The following AFG3L2 variants were observed in gnomAD, a reference collection of about 807,000 sequenced individuals.
AFG3L2 encodes AFG3 like matrix AAA peptidase subunit 2.
A neutral mutation model predicts 94.5 loss-of-function variants in AFG3L2; 54 were observed. The ratio of observed to expected loss-of-function variants is 0.57; its 90% confidence interval spans 0.46 to 0.72. The LOEUF (loss-of-function observed/expected upper bound fraction) is 0.72, where lower values mean the gene tolerates loss of function less well. AFG3L2 is among the 30% of genes least tolerant of loss of function. The probability of loss-of-function intolerance (pLI) is 0.00; values close to 1 mark genes in which losing one functional copy is unlikely to be tolerated. For synonymous variants in AFG3L2, 377 were observed against 365.5 expected (o/e 1.03, Z -0.36); for missense variants, 754 against 994.9 (o/e 0.76, Z 3.26).
chr18:12,358,769 A>G lies in AFG3L2; in HGVS notation c.927T>C (p.Asp309=). The change falls in exon 8 of 17, where the codon GAT becomes GAC. Residue 309 remains aspartate, a synonymous_variant. Coordinates refer to ENST00000269143, the MANE Select transcript of AFG3L2 (RefSeq NM_006796.3). ...GCTTGGCCTCCTCACAGCCAGCCAC[A>G]TCTTTGAACTTCACATCAATTTCAT... ...LKDEIDVKFK[D]VAGCEEAKLE... is the part of the protein sequence containing the mutation. The G allele has an allele frequency of 6.2e-7, 1 of 1,614,256 alleles. No individual in the cohort carries two copies. Among genetic ancestry groups the G allele is most frequent in the Non-Finnish European group, 8.5e-7 (1 of 1,180,048 alleles).
In AFG3L2 at chr18:12,332,982, A is replaced by T. The variant is rs1313427236; in HGVS notation, c.2176-3199T>A. ...ACTATAATATATTATATATTATATA[A>T]ATATATTATATAAATTATATATAAT... On this transcript the variant is annotated intron_variant, in intron 16 of 16. Transcript: ENST00000269143. Among the ~76,000 whole-genome samples the T allele has an allele frequency of 5.0e-5, 5 of 100,850 alleles. No homozygotes were observed. In the South Asian group the frequency reaches 1.2e-3, roughly 25 times the overall value. The allele number at this position is 100,850 out of a possible 152,430, so 66.2% of individuals were successfully genotyped here.
In AFG3L2 at chr18:12,356,211, G is replaced by T. The variant is rs537712357; in HGVS notation, c.1164+483C>A. Among the ~76,000 whole-genome samples, 143 of 151,144 alleles carry T rather than the reference G, an allele frequency of 9.5e-4. 1 individual carries two copies. The highest frequency in any genetic ancestry group is 3.4e-3 in the African/African-American group (139 of 41,116). ...CTGTTGCCCAGGCTGGAATGCAGTG[G>T]TGTCATCTTGGTTCACTGCAACTTC... On this transcript the variant is annotated intron_variant, in intron 9 of 16. Coordinates refer to ENST00000269143, the MANE Select transcript of AFG3L2 (RefSeq NM_006796.3).
At chr18:12,346,439 G>A (rs1185130700) in intron 13 of AFG3L2, among the ~76,000 whole-genome samples, 2 of 152,070 alleles carry the variant, frequency 1.3e-5, no homozygotes, top group Admixed American at 6.6e-5. Context: ...CTCTGCAAGC[G>A]CCCCACACTC....
chr18:12,376,995 G>T lies in AFG3L2; in HGVS notation c.88C>A (p.Pro30Thr). The T allele has an allele frequency of 1.4e-6, 2 of 1,461,250 alleles. No homozygotes were observed. Among genetic ancestry groups the T allele is most frequent in the Non-Finnish European group, 1.8e-6 (2 of 1,110,980 alleles). 90.5% of individuals were successfully genotyped at this position (1,461,250 alleles called of 1,614,324 possible). The change falls in exon 1 of 17, where the codon CCG becomes ACG. Residue 30 changes from proline (P) to threonine (T), a missense_variant. Physicochemically the swap from Pro to Thr is conservative, Grantham distance 38. This residue lies in a region of AFG3L2 where 236 missense variants were observed against 214.0 expected (regional missense o/e 1.10). Transcript: ENST00000269143. ...QQLLVPGGVG[P>T]GEQPCLRTLY... Reference sequence around the variant, plus strand: ...GTCCGGAGGCAGGGCTGCTCGCCCGGGCCCACGCCGCCAGGCACGAGGAGC... The same window carrying T: ...GTCCGGAGGCAGGGCTGCTCGCCCGTGCCCACGCCGCCAGGCACGAGGAGC...
rs1275864956 is a variant in AFG3L2, at chr18:12,371,625, C to T, written c.181G>A (p.Ala61Thr). 1 of 1,614,054 alleles carries T rather than the reference C, an allele frequency of 6.2e-7. No individual in the cohort carries two copies. Among genetic ancestry groups the T allele is most frequent in the Non-Finnish European group, 8.5e-7 (1 of 1,180,018 alleles). Residue 61 changes from alanine to threonine, a missense_variant, in exon 2 of 17, where the codon GCT (alanine) becomes ACT (threonine). Transcript: ENST00000269143. ...GGTCGAGAACAGAATCTTTGATAAGCAGCAATTATATCTGTCAAAAGAGAA... is the reference window on the plus strand; with the variant it reads ...GGTCGAGAACAGAATCTTTGATAAGTAGCAATTATATCTGTCAAAAGAGAA... ...RNSLLTDIIA[A>T]YQRFCSRPPK...
At chr18:12,362,433 C>A (rs1908688510) in intron 6 of AFG3L2, among the ~76,000 whole-genome samples, 1 of 152,346 alleles carries the variant, frequency 6.6e-6, no homozygotes, top group African/African-American at 2.4e-5. Flanking sequence ...CAAACAACAT[C>A]AGCATTTCAG....
rs1908841039 is a variant in AFG3L2 at position 12,367,400 on chromosome 18, G to C, written c.293-18C>G. 6.2e-7 allele frequency: 1 copy of C among 1,611,664 alleles called. No individual in the cohort carries two copies. Among genetic ancestry groups the C allele is most frequent in the East Asian group, 2.2e-5 (1 of 44,860 alleles). On this transcript the variant is annotated intron_variant, in intron 3 of 16. Transcript: ENST00000269143. Reference sequence around the variant, plus strand: ...CTTTGATTCTGTTCATAAACAAAGAGCACACACAGAAGCACGGCAAGGTTT... The same window carrying C: ...CTTTGATTCTGTTCATAAACAAAGACCACACACAGAAGCACGGCAAGGTTT...
At chr18:12,336,191 T>G (rs1226761499) in intron 16 of AFG3L2, among the ~76,000 whole-genome samples, 1 of 152,194 alleles carries the variant, frequency 6.6e-6, no homozygotes, top group Non-Finnish European at 1.5e-5. Flanking sequence ...TGCATTCTAC[T>G]AAGATGTAGG....
intron 16 of AFG3L2, among the ~76,000 whole-genome samples, chr18:12,332,934 A>ATATAATATATAATATATATTATG: frequency 1.6e-5 from 2 of 122,732 alleles, no homozygotes; most frequent in African/African-American, 3.0e-5. Flanking sequence ...AACATATACT[A>ATATAATATATAATATATATTATG]TATAACATAT....
chr18:12,376,927 C>A, intron 1 of AFG3L2, 42 bp downstream of exon 1: 1 of 1,353,660 alleles, frequency 7.4e-7, no homozygotes, highest in Non-Finnish European at 9.6e-7. Flanking sequence ...GAAGTGGGCC[C>A]GAGGCAGGGT....
chr18:12,359,757 T>A (rs75683285), intron 7 of AFG3L2, among the ~76,000 whole-genome samples, 170 bp downstream of exon 7: 7 of 150,788 alleles, frequency 4.6e-5, no homozygotes, highest in Non-Finnish European at 8.9e-5. Flanking sequence ...AAAAAGAAAA[T>A]GAATGAGTCA....
chr18:12,350,138 A>T (rs1011917177), intron 12 of AFG3L2, among the ~76,000 whole-genome samples: 2 of 150,220 alleles, frequency 1.3e-5, no homozygotes, highest in African/African-American at 4.9e-5. Flanking sequence ...AGCCTCCCGA[A>T]CAGCTGGGAT....
chr18:12,366,768 G>C (rs953580533), intron 5 of AFG3L2, among the ~76,000 whole-genome samples, 197 bp downstream of exon 5: 1 of 152,228 alleles, frequency 6.6e-6, no homozygotes, highest in African/African-American at 2.4e-5. Flanking sequence ...AAAAGAATTT[G>C]TGGGTAAATT....
intron 5 of AFG3L2, 108 bp from the exon 6 acceptor site, chr18:12,363,964 T>C: frequency 1.1e-6 from 1 of 889,676 alleles, no homozygotes; most frequent in Non-Finnish European, 1.9e-6. Flanking sequence ...AAGGAAAGAA[T>C]AAAGAATCAG....
chr18:12,346,356 G>T (rs994702415), intron 13 of AFG3L2, among the ~76,000 whole-genome samples: 1 of 152,168 alleles, frequency 6.6e-6, no homozygotes, highest in Non-Finnish European at 1.5e-5. Flanking sequence ...ACCACTGCCT[G>T]TTCCCAAGTC....
chr18:12,365,871 C>CTTTTT (rs576247423), intron 5 of AFG3L2, among the ~76,000 whole-genome samples: 39 of 113,794 alleles, frequency 3.4e-4, no homozygotes, highest in African/African-American at 6.1e-4. Context: ...TGCATCAATT[C>CTTTTT]TTTTTTTTTT....
chr18:12,337,879 C>T (rs1907805022), intron 15 of AFG3L2, among the ~76,000 whole-genome samples: 1 of 152,146 alleles, frequency 6.6e-6, no homozygotes, highest in African/African-American at 2.4e-5. Context: ...AAGCGATTCT[C>T]GAGCCTCAGC....
chr18:12,361,450 G>A (rs1025996234), intron 6 of AFG3L2, among the ~76,000 whole-genome samples: 35 of 151,808 alleles, frequency 2.3e-4, no homozygotes, highest in African/African-American at 8.0e-4. Context: ...AGCTCAAGAT[G>A]AGCCTGGTCA....
intron 10 of AFG3L2, 124 bp downstream of exon 10, chr18:12,352,881 G>A: frequency 7.4e-7 from 1 of 1,360,340 alleles, no homozygotes; most frequent in Non-Finnish European, 1.0e-6. Flanking sequence ...CTTGAACCCA[G>A]GGGTCAGAGG....
Sources: allele counts gnomAD v4.1 joint callset (sites outside exome capture counted in the v4.1 genomes callset), GRCh38; gene constraint gnomAD v4.1.1; regional missense constraint gnomAD v4.1.1; transcripts MANE v1.5; gene names NCBI Gene and HGNC (gene_info 2026-07-23, HGNC 2026-07-21).